The following KRABD3 variants were observed in gnomAD, a reference collection of about 807,000 sequenced individuals.
The protein encoded by KRABD3 is KRAB domain containing 3, also known as KRAB domain-containing protein 3.
chr7:149,730,277 C>T, the KRABD3 span: 1 of 1,552,140 alleles, frequency 6.4e-7, no homozygotes, highest in East Asian at 2.4e-5. Flanking sequence ...CCAGCTCGAG[C>T]TTCAGCGGCT....
chr7:149,722,683 G>A, the KRABD3 span: 114 of 1,493,426 alleles, frequency 7.6e-5, no homozygotes, highest in African/African-American at 1.4e-3. Flanking sequence ...GCATTCTCAC[G>A]GGTGGGAATC....
the KRABD3 span, chr7:149,722,691 ATC>A: frequency 6.7e-7 from 1 of 1,503,752 alleles, no homozygotes; most frequent in Non-Finnish European, 9.0e-7. Context: ...ACGGGTGGGA[ATC>A]TCAGCCGCCC....
the KRABD3 span, chr7:149,722,675 A>G: frequency 6.0e-6 from 9 of 1,492,596 alleles, no homozygotes; most frequent in African/African-American, 1.4e-5. Context: ...CCTTGTCTGC[A>G]TTCTCACGGG....
At chr7:149,730,875 G>A in the KRABD3 span, among the ~76,000 whole-genome samples, 18,908 of 152,238 alleles carry the variant, frequency 0.12, 1,242 homozygotes, top group Middle Eastern at 0.22. Context: ...CAATAATAGC[G>A]TATGCTTTTA....
the KRABD3 span, among the ~76,000 whole-genome samples, chr7:149,728,264 G>A: frequency 1.8e-4 from 28 of 152,228 alleles, no homozygotes; most frequent in Non-Finnish European, 2.9e-4. Context: ...TGCTGAGGAG[G>A]ACTAGAGCCC....
the KRABD3 span, chr7:149,720,708 G>A: frequency 2.0e-6 from 2 of 986,700 alleles, no homozygotes; most frequent in South Asian, 1.6e-5. Context: ...GGGACATGGT[G>A]TCTCCTCTGG....
the KRABD3 span, chr7:149,721,718 C>T: frequency 7.8e-6 from 6 of 765,896 alleles, no homozygotes; most frequent in Non-Finnish European, 1.3e-5. Context: ...CTGGTGTAAC[C>T]ACCAAAGAGG....
chr7:149,728,553 G>A, the KRABD3 span: 1 of 1,613,676 alleles, frequency 6.2e-7, no homozygotes, highest in South Asian at 1.1e-5. Flanking sequence ...CCACTGCAGG[G>A]TCTGGAGAAT....
the KRABD3 span, chr7:149,722,495 C>G: frequency 6.2e-7 from 1 of 1,606,342 alleles, no homozygotes; most frequent in South Asian, 1.1e-5. Context: ...GCCCTCCCAC[C>G]CATAGCCCCA....
At chr7:149,729,406 A>G in the KRABD3 span, 6 of 1,378,366 alleles carry the variant, frequency 4.4e-6, no homozygotes, top group Non-Finnish European at 4.7e-6. Flanking sequence ...TGACAGCCCC[A>G]CTTCAGTTAA....
chr7:149,721,758 G>A, the KRABD3 span: 1 of 697,014 alleles, frequency 1.4e-6, no homozygotes, highest in South Asian at 1.5e-5. Context: ...TGGGGAGCCT[G>A]TCATCCCGCC....
chr7:149,720,689 A>G, the KRABD3 span: 55 of 867,996 alleles, frequency 6.3e-5, no homozygotes, highest in Admixed American at 1.4e-3. Context: ...CAGGTCCTCT[A>G]TATCTCATGG....
At chr7:149,725,895 A>G in the KRABD3 span, 3 of 1,586,028 alleles carry the variant, frequency 1.9e-6, no homozygotes, top group Non-Finnish European at 2.6e-6. Context: ...AGAAGCGACC[A>G]GAGAGCCTGT....
At chr7:149,731,850 C>T in the KRABD3 span, 30 of 1,100,052 alleles carry the variant, frequency 2.7e-5, no homozygotes, top group Non-Finnish European at 3.9e-5. Context: ...AAACAGCCTT[C>T]CAGGGTCAGT....
At chr7:149,734,063 C>G in the KRABD3 span, 1 of 1,585,300 alleles carries the variant, frequency 6.3e-7, no homozygotes, top group Non-Finnish European at 8.6e-7. Context: ...TTCCTCTTCT[C>G]CACATCTGCT....
At chr7:149,715,466 C>A in the KRABD3 span, 2 of 571,612 alleles carry the variant, frequency 3.5e-6, no homozygotes, top group Non-Finnish European at 4.5e-6. Flanking sequence ...GGGAAGCCTG[C>A]AGGTAAGGCG....
At chr7:149,724,850 G>T in the KRABD3 span, 57 of 1,568,738 alleles carry the variant, frequency 3.6e-5, no homozygotes, top group Non-Finnish European at 4.3e-5. Context: ...GAGGCTCAAG[G>T]TGAGGCCTGA....
chr7:149,732,997 TCA>T, the KRABD3 span, among the ~76,000 whole-genome samples: 9 of 152,302 alleles, frequency 5.9e-5, no homozygotes, highest in African/African-American at 2.2e-4. This position sits in a 1 kb window ranked among gnomAD's most constrained non-coding sequence, Gnocchi z 4.0. Context: ...ATCCTGCCCA[TCA>T]GTTTGGGGAA....
the KRABD3 span, chr7:149,728,418 C>A: frequency 6.1e-6 from 8 of 1,313,740 alleles, no homozygotes; most frequent in South Asian, 9.3e-5. Flanking sequence ...TGCCCAGCAC[C>A]CCTGTGACCC....
Sources: allele counts gnomAD v4.1 joint callset (sites outside exome capture counted in the v4.1 genomes callset), GRCh38; gene constraint gnomAD v4.1.1; non-coding constraint Gnocchi (gnomAD v3.1); transcripts MANE v1.5; gene names NCBI Gene and HGNC (gene_info 2026-07-23, HGNC 2026-07-21).